Variants in TK2 observed in about 807,000 individuals in gnomAD.
TK2 encodes the protein thymidine kinase 2, mitochondrial.
In TK2, 35 loss-of-function variants were observed where a neutral mutation model predicts 41.9. That is an observed-to-expected ratio of 0.84 (90% CI 0.64 to 1.11). The LOEUF (loss-of-function observed/expected upper bound fraction) is 1.11. TK2 is among the 50% of genes least tolerant of loss of function. The pLI, the probability that TK2 is intolerant of heterozygous loss-of-function variation, is 0.00. For synonymous variants in TK2, 128 were observed against 129.1 expected (o/e 0.99, Z 0.06); for missense variants, 320 against 351.1 (o/e 0.91, Z 0.71).
At chr16:66,519,341 G>A (rs1176755417) in intron 6 of TK2, among the ~76,000 whole-genome samples, 1 of 152,094 alleles carries the variant, frequency 6.6e-6, no homozygotes, top group African/African-American at 2.4e-5. Context: ...ACCATGCCTG[G>A]CTAATTTTTG....
chr16:66,535,924 G>A (rs2144430184), intron 4 of TK2, among the ~76,000 whole-genome samples: 1 of 152,300 alleles, frequency 6.6e-6, no homozygotes, highest in East Asian at 1.9e-4. Context: ...AGAGGGCATG[G>A]CCGGGCACAG....
chr16:66,523,655 C>T (rs1964845533), intron 6 of TK2, among the ~76,000 whole-genome samples: 1 of 151,892 alleles, frequency 6.6e-6, no homozygotes, highest in Non-Finnish European at 1.5e-5. Flanking sequence ...ATGGTAAAAC[C>T]CTGTCTCTAC....
chr16:66,550,202 A>G, upstream of TK2: 10 of 1,611,882 alleles, frequency 6.2e-6, no homozygotes, highest in Non-Finnish European at 8.5e-6. Flanking sequence ...TCTCAGCAAG[A>G]GGAGAAATAC....
At chr16:66,540,231 G>A (rs1247721016) in intron 3 of TK2, among the ~76,000 whole-genome samples, 4 of 143,068 alleles carry the variant, frequency 2.8e-5, no homozygotes, top group South Asian at 2.2e-4. Flanking sequence ...GGAGTTCAAC[G>A]GCACAGTCCT....
intron 3 of TK2, among the ~76,000 whole-genome samples, chr16:66,539,660 A>T (rs1484154318): frequency 6.6e-6 from 1 of 151,966 alleles, no homozygotes. Flanking sequence ...AAAGGGAAAA[A>T]GGGCAGGTGC....
rs940820632 is a variant in TK2 at position 66,517,392 on chromosome 16, G to A, written c.539-177C>T. On this transcript the variant is annotated intron_variant, in intron 7 of 9. Coordinates refer to ENST00000544898, the MANE Select transcript of TK2 (RefSeq NM_004614.5). The surrounding 1 kb of genome is among the most constrained non-coding windows in gnomAD (Gnocchi z 4.3). ...ACTTTCATTCTCTTTCAGTGTCAGC[G>A]GCCCCGTGGGGTCGTTTTGAGGCTG... is the stretch of plus-strand genomic sequence containing the variant. The A allele has an allele frequency of 2.0e-5, 14 of 695,278 alleles. No homozygotes were observed. Among genetic ancestry groups the A allele is most frequent in the Admixed American group, 8.5e-5 (4 of 47,214 alleles). 43.1% of individuals were successfully genotyped at this position (695,278 alleles called of 1,614,324 possible).
At chr16:66,512,544 G>A (rs987792681) in intron 9 of TK2, among the ~76,000 whole-genome samples, 14 of 152,206 alleles carry the variant, frequency 9.2e-5, no homozygotes, top group Non-Finnish European at 1.5e-4. Context: ...AATTTTGGGA[G>A]GCCGAGGCAG....
At chr16:66,526,240 C>T (rs1597088423) in intron 6 of TK2, among the ~76,000 whole-genome samples, 1 of 152,268 alleles carries the variant, frequency 6.6e-6, no homozygotes, top group South Asian at 2.1e-4. Context: ...GGTCCTAAGA[C>T]ACGAAGGAGG....
chr16:66,513,088 C>G (rs1964499979), intron 9 of TK2, among the ~76,000 whole-genome samples: 1 of 152,148 alleles, frequency 6.6e-6, no homozygotes, highest in African/African-American at 2.4e-5. Flanking sequence ...TGGGCCACTG[C>G]TTATTTGTCT....
intron 3 of TK2, among the ~76,000 whole-genome samples, chr16:66,539,222 G>A (rs999120659): frequency 6.6e-6 from 1 of 152,060 alleles, no homozygotes; most frequent in African/African-American, 2.4e-5. Context: ...CCCCAGGTTT[G>A]ATGATTCATG....
chr16:66,530,757 A>G (rs1488394878), intron 5 of TK2, among the ~76,000 whole-genome samples: 2 of 149,488 alleles, frequency 1.3e-5, no homozygotes, highest in Non-Finnish European at 3.0e-5. Flanking sequence ...TCACTCTGTC[A>G]CCCAGGCTGG....
At chr16:66,542,853 G>C (rs1405034770) in intron 2 of TK2, among the ~76,000 whole-genome samples, 1 of 152,150 alleles carries the variant, frequency 6.6e-6, no homozygotes, top group Non-Finnish European at 1.5e-5. Context: ...CAATCTCTGG[G>C]AGTGAGACTC....
Position 66,536,956 on chromosome 16 carries a change from C to T in TK2, c.285+8G>A, listed in dbSNP as rs776513627. 2 of 1,614,052 alleles carry T rather than the reference C, an allele frequency of 1.2e-6. No homozygotes were observed. Among genetic ancestry groups the T allele is most frequent in the African/African-American group, 1.3e-5 (1 of 74,976 alleles). ...GCCGGGGGTTCATGCAACCAACAACCCACTCACCAGAGGATTGTGGCCACG... is the reference window on the plus strand; with the variant it reads ...GCCGGGGGTTCATGCAACCAACAACTCACTCACCAGAGGATTGTGGCCACG... On this transcript the variant is annotated splice_region_variant and intron_variant, in intron 4 of 9. Coordinates refer to ENST00000544898, the MANE Select transcript of TK2 (RefSeq NM_004614.5).
At chr16:66,518,079 G>A in intron 6 of TK2, 2 of 623,980 alleles carry the variant, frequency 3.2e-6, no homozygotes, top group South Asian at 3.4e-5. Context: ...GCGGCTTATG[G>A]CACAATGCTG....
chr16:66,548,766 G>A lies in TK2; in HGVS notation c.156+212C>T, dbSNP rs1290150632. The A allele has an allele frequency of 5.2e-6, 3 of 578,698 alleles. No individual in the cohort carries two copies. The East Asian group carries it at 8.6e-5, about 17-fold the overall frequency. 35.8% of individuals were successfully genotyped at this position (578,698 alleles called of 1,614,324 possible). A position where few individuals can be genotyped will look rare whatever the true frequency, so the allele number is the denominator to read the frequency against. ...ACCTGAAGGATACAAATACTTGTGT[G>A]CTCCTATCTGTGCAGACTCTGGGGA... On this transcript the variant is annotated intron_variant, in intron 2 of 9. Transcript: ENST00000544898.
At position 66,511,809 on chromosome 16, in the gene TK2, C is replaced by T. The variant is rs1467536265; in HGVS notation, c.*159G>A. 17 of 701,042 alleles carry T rather than the reference C, an allele frequency of 2.4e-5. No individual in the cohort carries two copies. The highest frequency in any genetic ancestry group is 1.9e-4 in the East Asian group (7 of 37,082). 43.4% of individuals were successfully genotyped at this position (701,042 alleles called of 1,614,324 possible). A position where few individuals can be genotyped will look rare whatever the true frequency, so the allele number is the denominator to read the frequency against. Reference sequence around the variant, plus strand: ...GTCATTTACCCACGAGGGCCAGAGACGCATGACAAAGACACTAGCAAAGGA... The same window carrying T: ...GTCATTTACCCACGAGGGCCAGAGATGCATGACAAAGACACTAGCAAAGGA... On this transcript the variant is annotated 3_prime_UTR_variant, in exon 10 of 10. Transcript: ENST00000544898.
Position 66,517,935 on chromosome 16 carries a change from T to G in TK2, c.450-58A>C. ...AAGAGAAAACTTCTGGGCTATGCAA[T>G]TCCCCCAAAAGGATCTTGAGACGGC... On this transcript the variant is annotated intron_variant, in intron 6 of 9. Transcript: ENST00000544898. This position sits in a 1 kb window ranked among gnomAD's most constrained non-coding sequence, Gnocchi z 4.3. 1 of 1,422,922 alleles carries G rather than the reference T, an allele frequency of 7.0e-7. No homozygotes were observed. The highest frequency in any genetic ancestry group is 9.9e-7 in the Non-Finnish European group (1 of 1,006,040). 88.1% of individuals were successfully genotyped at this position (1,422,922 alleles called of 1,614,324 possible). A position where few individuals can be genotyped will look rare whatever the true frequency, so the allele number is the denominator to read the frequency against.
Position 66,517,455 on chromosome 16 carries a change from C to T in TK2, c.539-240G>A, listed in dbSNP as rs907656254. The T allele has an allele frequency of 9.6e-5, 59 of 614,622 alleles. No homozygotes were observed. Among genetic ancestry groups the T allele is most frequent in the African/African-American group, 9.4e-4 (51 of 54,356 alleles). 38.1% of individuals were successfully genotyped at this position (614,622 alleles called of 1,614,324 possible). ...TTCATAGACAGAGCTCAAAACAGGCCTCACACCCAGCAGGTCTCAGTGAAT... is the reference window on the plus strand; with the variant it reads ...TTCATAGACAGAGCTCAAAACAGGCTTCACACCCAGCAGGTCTCAGTGAAT... On this transcript the variant is annotated intron_variant, in intron 7 of 9. Coordinates refer to ENST00000544898, the MANE Select transcript of TK2 (RefSeq NM_004614.5). The surrounding 1 kb of genome is among the most constrained non-coding windows in gnomAD (Gnocchi z 4.3).
chr16:66,513,522 C>T (rs533830791), intron 9 of TK2, among the ~76,000 whole-genome samples: 1 of 152,302 alleles, frequency 6.6e-6, no homozygotes, highest in Admixed American at 6.5e-5. Flanking sequence ...CTGGCACAGA[C>T]TGCCTTCCCT....
Sources: allele counts gnomAD v4.1 joint callset (sites outside exome capture counted in the v4.1 genomes callset), GRCh38; gene constraint gnomAD v4.1.1; non-coding constraint Gnocchi (gnomAD v3.1); transcripts MANE v1.5; gene names NCBI Gene and HGNC (gene_info 2026-07-23, HGNC 2026-07-21).